The following CENPC variants were observed in gnomAD, a reference collection of about 807,000 sequenced individuals.
CENPC encodes centromere protein C, also known as CENP-C 1.
In CENPC, 63 loss-of-function variants were observed where a neutral mutation model predicts 112.1. The ratio of observed to expected loss-of-function variants is 0.56; its 90% CI spans 0.46 to 0.69. The LOEUF is 0.69. Ranked by LOEUF, CENPC falls within the 30% of genes least tolerant of loss-of-function variation. CENPC has a pLI of 0.00. For synonymous variants in CENPC, 333 were observed against 367.6 expected, an observed-to-expected ratio of 0.91 and a Z score of 1.08; for missense variants, 1,000 against 1,103.8, an observed-to-expected ratio of 0.91 and a Z score of 1.33.
At chr4:67,539,738 C>T in intron 4 of CENPC, 102 bp downstream of exon 4, 1 of 581,206 alleles carries the variant, frequency 1.7e-6, no homozygotes. Flanking sequence ...AATTCCCTTT[C>T]AAGAATAAGA....
intron 2 of CENPC, 42 bp downstream of exon 2, chr4:67,544,107 T>G: frequency 9.9e-7 from 1 of 1,012,604 alleles, no homozygotes; most frequent in Non-Finnish European, 1.5e-6. Context: ...CTATTAACGA[T>G]GAGAATAAAA....
In CENPC at chr4:67,506,815, T is replaced by G; in HGVS notation, c.2024A>C (p.Glu675Ala). The G allele has an allele frequency of 3.7e-6, 6 of 1,608,618 alleles. No homozygotes were observed. The highest frequency in any genetic ancestry group is 5.1e-6 in the Non-Finnish European group (6 of 1,177,598). ...TTCCTCTAAAACTGAAGTCTTATGC[T>G]CTCCAGAATCCAAGTTTGACTCTGT... is the stretch of plus-strand genomic sequence containing the variant. ...IPTESNLDSG[E>A]HKTSVLEESG... The change falls in exon 11 of 19, where the codon GAG (glutamate) becomes GCG (alanine). Residue 675 changes from glutamate (E) to alanine (A), a missense_variant. Glu to Ala is a moderately radical substitution (Grantham distance 107). Coordinates refer to ENST00000273853, the MANE Select transcript of CENPC (RefSeq NM_001812.4).
At chr4:67,515,713 G>C (rs1466483056) in intron 7 of CENPC, among the ~76,000 whole-genome samples, 2 of 151,852 alleles carry the variant, frequency 1.3e-5, no homozygotes, top group Non-Finnish European at 2.9e-5. Flanking sequence ...TGCATTCCAA[G>C]TTTGGGTATT....
At chr4:67,474,396 T>C (rs1724749192) in intron 18 of CENPC, among the ~76,000 whole-genome samples, 1 of 152,096 alleles carries the variant, frequency 6.6e-6, no homozygotes, top group African/African-American at 2.4e-5. Flanking sequence ...AAACAACTCT[T>C]GTTCTCATGT....
chr4:67,509,091 T>A lies in CENPC; in HGVS notation c.1627A>T (p.Asn543Tyr). 1.2e-6 allele frequency: 2 copies of A among 1,606,732 alleles called. No individual in the cohort carries two copies. The highest frequency in any genetic ancestry group is 2.2e-5 in the South Asian group (2 of 90,918). Reference sequence around the variant, plus strand: ...GGTAATTCATTTCTTACTGAAGAATTGCTATAAACAGGACCTGAAGGATTC... The same window carrying A: ...GGTAATTCATTTCTTACTGAAGAATAGCTATAAACAGGACCTGAAGGATTC... ...VKSEESPVYS[N>Y]SSVRNELPMH... Residue 543 changes from asparagine (N) to tyrosine (Y), a missense_variant, in exon 10 of 19, where the codon AAT becomes TAT. Physicochemically the swap from Asn to Tyr is moderately radical, Grantham distance 143 (BLOSUM62 -2). Transcript: ENST00000273853.
intron 12 of CENPC, among the ~76,000 whole-genome samples, chr4:67,497,295 T>C (rs1459423753): frequency 6.6e-6 from 1 of 151,760 alleles, no homozygotes; most frequent in East Asian, 1.9e-4. Flanking sequence ...GGAGAATCGC[T>C]TGAACCCAGA....
rs140962230 is a variant in CENPC at position 67,470,932 on chromosome 4, G to T, written c.*1673C>A. On this transcript the variant is annotated 3_prime_UTR_variant, in exon 19 of 19. Coordinates refer to ENST00000273853, the MANE Select transcript of CENPC (RefSeq NM_001812.4). ...TTTAACAAGGTCCTGGAAACAGAAG[G>T]GCAGAAAAGGGTAACATGAGCTCTC... is the stretch of plus-strand genomic sequence containing the variant. The T allele has an allele frequency of 6.6e-6, 1 of 152,388 alleles. No homozygotes were observed. The highest frequency in any genetic ancestry group is 1.9e-4 in the East Asian group (1 of 5,194). The allele number at this position is 152,388 out of a possible 1,614,324, so 9.4% of individuals were successfully genotyped here.
chr4:67,543,908 T>C (rs1176914048), intron 2 of CENPC, among the ~76,000 whole-genome samples: 1 of 152,216 alleles, frequency 6.6e-6, no homozygotes, highest in African/African-American at 2.4e-5. Context: ...AGTCACTTAG[T>C]CAGAACTGAG....
At chr4:67,512,321 T>C (rs1577991311) in intron 9 of CENPC, 81 bp downstream of exon 9, 4 of 1,013,518 alleles carry the variant, frequency 3.9e-6, no homozygotes, top group South Asian at 3.2e-5. Flanking sequence ...ATTCTCTATA[T>C]AGAAATATAA....
Position 67,514,601 on chromosome 4 carries a change from T to TGG in CENPC, c.916_917insCC (p.Asp306AlafsTer23), listed in dbSNP as rs1471246307. ...ACTGGCAAAACTTTGATCCGACTCA[T>TGG]CAATTATAAATTCATCCTCTATCAA... On this transcript the variant is annotated frameshift_variant, in exon 8 of 19. Transcript: ENST00000273853. LOFTEE classifies it high-confidence loss of function. 1 of 1,608,194 alleles carries TGG rather than the reference T, an allele frequency of 6.2e-7. No homozygotes were observed. Among genetic ancestry groups the TGG allele is most frequent in the East Asian group, 2.2e-5 (1 of 44,624 alleles).
chr4:67,491,476 TATATAG>T (rs1205162793), intron 16 of CENPC, among the ~76,000 whole-genome samples: 17 of 28,582 alleles, frequency 5.9e-4, no homozygotes, highest in South Asian at 2.8e-3. Flanking sequence ...TATATATATA[TATATAG>T]AGAGAGAGAG....
At chr4:67,544,654 A>C (rs1301695639) in intron 1 of CENPC, among the ~76,000 whole-genome samples, 8 of 152,236 alleles carry the variant, frequency 5.3e-5, no homozygotes, top group Non-Finnish European at 8.8e-5. Context: ...AATATAGAAT[A>C]GTGAACACCA....
chr4:67,506,458 C>T (rs1725735382), intron 11 of CENPC, among the ~76,000 whole-genome samples: 1 of 152,128 alleles, frequency 6.6e-6, no homozygotes, highest in Non-Finnish European at 1.5e-5. Context: ...GCTGAGAGGG[C>T]CACATGGTTA....
chr4:67,539,935 C>T lies in CENPC; in HGVS notation c.137-1G>A. 2.0e-6 allele frequency: 3 copies of T among 1,478,594 alleles called. No individual in the cohort carries two copies. The highest frequency in any genetic ancestry group is 2.7e-6 in the Non-Finnish European group (3 of 1,110,788). 91.6% of individuals were successfully genotyped at this position (1,478,594 alleles called of 1,614,324 possible). On this transcript the variant is annotated splice_acceptor_variant, in intron 3 of 18. Coordinates refer to ENST00000273853, the MANE Select transcript of CENPC (RefSeq NM_001812.4). LOFTEE classifies it high-confidence loss of function. The stretch of plus-strand genomic sequence containing the variant: ...TTTGTACTAAAATCATTGGCAAGAC[C>T]TAAAACAAAAGTATGAAATTTTCAA...
At chr4:67,482,898 C>T (rs908938002) in intron 17 of CENPC, among the ~76,000 whole-genome samples, 6 of 151,944 alleles carry the variant, frequency 3.9e-5, no homozygotes, top group Non-Finnish European at 7.4e-5. Flanking sequence ...CAAATGTCAC[C>T]TTGAATTGTA....
chr4:67,526,770 C>A (rs1726392477), intron 5 of CENPC, among the ~76,000 whole-genome samples: 1 of 152,130 alleles, frequency 6.6e-6, no homozygotes, highest in Admixed American at 6.5e-5. Context: ...TACCAAGTCA[C>A]ATCCAACAAT....
intron 17 of CENPC, among the ~76,000 whole-genome samples, chr4:67,483,354 T>C: frequency 1.1e-5 from 1 of 90,534 alleles, no homozygotes; most frequent in African/African-American, 4.0e-5. Flanking sequence ...TCTATCTCAA[T>C]GAAAGAAAAA....
intron 7 of CENPC, among the ~76,000 whole-genome samples, chr4:67,517,062 G>A (rs1726078133): frequency 1.3e-5 from 2 of 152,008 alleles, no homozygotes; most frequent in Admixed American, 6.5e-5. Flanking sequence ...ATATCCATAT[G>A]AGGTTTAAAA....
intron 17 of CENPC, among the ~76,000 whole-genome samples, chr4:67,489,550 G>A (rs1489217157): frequency 6.6e-6 from 1 of 151,866 alleles, no homozygotes; most frequent in African/African-American, 2.4e-5. Flanking sequence ...ATACCTGTAT[G>A]CAATGCATAA....
Sources: allele counts gnomAD v4.1 joint callset (sites outside exome capture counted in the v4.1 genomes callset), GRCh38; gene constraint gnomAD v4.1.1; transcripts MANE v1.5; gene names NCBI Gene and HGNC (gene_info 2026-07-23, HGNC 2026-07-21).